The following TIAM2 variants were observed in gnomAD, a reference collection of about 807,000 sequenced individuals.
TIAM2 encodes the protein TIAM Rac1 associated GEF 2, also known as rho guanine nucleotide exchange factor TIAM2.
TIAM2 carries 80 observed loss-of-function variants against 152.9 expected under a neutral mutation model. The ratio of observed to expected loss-of-function variants is 0.52; its 90% CI spans 0.44 to 0.63. TIAM2 has a LOEUF of 0.63. Ranked by LOEUF, TIAM2 falls within the 30% of genes least tolerant of loss-of-function variation. The probability of loss-of-function intolerance (pLI) is 0.00; values close to 1 mark genes in which losing one functional copy is unlikely to be tolerated. For synonymous variants in TIAM2, 804 were observed against 838.0 expected (o/e 0.96, Z 0.70); for missense variants, 1,965 against 2,120.1 (o/e 0.93, Z 1.44).
chr6:155,126,579 A>C (rs1037319567), intron 2 of TIAM2, among the ~76,000 whole-genome samples: 2 of 152,074 alleles, frequency 1.3e-5, no homozygotes, highest in Admixed American at 6.6e-5. Flanking sequence ...TAAAAATACA[A>C]AATTAGCTGG....
At chr6:155,056,019 T>C (rs1161572803) in intron 1 of TIAM2, among the ~76,000 whole-genome samples, 5 of 152,078 alleles carry the variant, frequency 3.3e-5, no homozygotes, top group Non-Finnish European at 5.9e-5. Flanking sequence ...GAAAAATCTA[T>C]TCAGAATTAA....
intron 1 of TIAM2, among the ~76,000 whole-genome samples, chr6:155,017,345 G>A (rs146118072): frequency 0.011 from 1,734 of 152,188 alleles, 15 homozygotes; most frequent in Non-Finnish European, 0.019. Flanking sequence ...CATTGTCTCA[G>A]AAGGACCCCT....
At chr6:155,245,816 G>A (rs556729753) in intron 19 of TIAM2, 85 bp downstream of exon 19, 4 of 915,248 alleles carry the variant, frequency 4.4e-6, no homozygotes, top group Admixed American at 5.4e-5. Flanking sequence ...TTAACAAGTA[G>A]AGAGTAAGTA....
At chr6:155,010,998 C>T (rs1482211853) in intron 1 of TIAM2, among the ~76,000 whole-genome samples, 1 of 150,684 alleles carries the variant, frequency 6.6e-6, no homozygotes, top group Non-Finnish European at 1.5e-5. Flanking sequence ...GAGCTGAGAT[C>T]GAGCCATTGC....
At chr6:155,210,414 G>A (rs1562354995) in intron 14 of TIAM2, among the ~76,000 whole-genome samples, 1 of 151,764 alleles carries the variant, frequency 6.6e-6, no homozygotes, top group South Asian at 2.1e-4. Flanking sequence ...AAACTCCTGG[G>A]CTCAAGCCAT....
Position 155,254,001 on chromosome 6 carries a change from G to C in TIAM2, c.4254G>C (p.Leu1418=). The change falls in exon 25 of 27, where the codon CTG becomes CTC. Residue 1418 remains leucine (L), a synonymous_variant. Transcript: ENST00000682666. The part of the protein sequence containing the change: ...AGTENNSIWE[L]IHTKSEIEGR... ...CAGAAAATAATTCCATATGGGAACT[G>C]ATCCATACGAAGTCAGAAATAGAAG... The C allele has an allele frequency of 6.2e-7, 1 of 1,614,130 alleles. No homozygotes were observed. Among genetic ancestry groups the C allele is most frequent in the Non-Finnish European group, 8.5e-7 (1 of 1,179,986 alleles).
At chr6:155,236,272 C>A (rs940514384) in intron 15 of TIAM2, among the ~76,000 whole-genome samples, 1 of 151,822 alleles carries the variant, frequency 6.6e-6, no homozygotes, top group Non-Finnish European at 1.5e-5. Context: ...CAGCACCACT[C>A]CCAGAAATCC....
At chr6:155,113,097 A>C (rs183917059) in intron 2 of TIAM2, among the ~76,000 whole-genome samples, 1 of 152,246 alleles carries the variant, frequency 6.6e-6, no homozygotes, top group Admixed American at 6.5e-5. Flanking sequence ...GGTGAAAGCC[A>C]AAGTCCTTAA....
At chr6:155,164,706 A>G (rs1780373745) in intron 8 of TIAM2, 106 bp downstream of exon 8, 1 of 1,376,786 alleles carries the variant, frequency 7.3e-7, no homozygotes, top group East Asian at 2.3e-5. Flanking sequence ...TGACCCAACA[A>G]CTGACACCTA....
Position 155,254,519 on chromosome 6 carries a change from T to G in TIAM2, c.4414T>G (p.Cys1472Gly). 6.2e-7 allele frequency: 1 copy of G among 1,614,172 alleles called. No homozygotes were observed. The highest frequency in any genetic ancestry group is 8.5e-7 in the Non-Finnish European group (1 of 1,179,978). The change falls in exon 26 of 27, where the codon TGT (cysteine) becomes GGT (glycine). Residue 1472 changes from cysteine to glycine, a missense_variant. By Grantham distance (159) the Cys-to-Gly change is radical (BLOSUM62 -3). Around this residue, in one of 3 missense-constraint regions of TIAM2, gnomAD observed 935 missense variants for 980.0 expected, o/e 0.95. Transcript: ENST00000682666. ...GTGTGAATTACCACTGGAGAAAACG[T>G]GTAAGGATCGCCTGGTACCTCTTAA... is the stretch of plus-strand genomic sequence containing the variant. ...IKCELPLEKT[C>G]KDRLVPLKNR...
intron 1 of TIAM2, among the ~76,000 whole-genome samples, chr6:155,061,422 G>A (rs1777577547): frequency 6.7e-6 from 1 of 149,322 alleles, no homozygotes; most frequent in Admixed American, 6.6e-5. Flanking sequence ...ACTTACATCT[G>A]CAACTTGAAT....
At chr6:155,079,630 C>T (rs906603560) in intron 1 of TIAM2, among the ~76,000 whole-genome samples, 47 of 152,182 alleles carry the variant, frequency 3.1e-4, no homozygotes, top group African/African-American at 1.1e-3. Flanking sequence ...TTTATGGATC[C>T]TAGCATTTGC....
chr6:155,037,559 C>T (rs1403142385), intron 1 of TIAM2, among the ~76,000 whole-genome samples: 2 of 152,112 alleles, frequency 1.3e-5, no homozygotes, highest in East Asian at 1.9e-4. Flanking sequence ...GACAGAGCCT[C>T]ACTCTGTCAC....
Position 155,233,984 on chromosome 6 carries a change from T to C in TIAM2, c.3169-6546T>C, listed in dbSNP as rs142051534. Among the ~76,000 whole-genome samples, 164 of 128,612 alleles carry C rather than the reference T, an allele frequency of 1.3e-3. 1 individual carries two copies. In the East Asian group the frequency reaches 0.034, roughly 27 times the overall value. 84.4% of individuals were successfully genotyped at this position (128,612 alleles called of 152,430 possible). A position where few individuals can be genotyped will look rare whatever the true frequency, so the allele number is the denominator to read the frequency against. On this transcript the variant is annotated intron_variant, in intron 15 of 26. Coordinates refer to ENST00000682666, the MANE Select transcript of TIAM2 (RefSeq NM_012454.4). ...TCTCAAAAAAACAAAACAAAAACAA[T>C]TTGAGAGAAAATTTTTTTTGGGGGG...
intron 26 of TIAM2, chr6:155,255,371 T>G (rs777328600): frequency 6.6e-6 from 1 of 152,178 alleles, no homozygotes; most frequent in Non-Finnish European, 1.5e-5. Context: ...AAATTTCAGC[T>G]TAAGTTTTCA....
intron 7 of TIAM2, among the ~76,000 whole-genome samples, chr6:155,151,599 G>C (rs1354911142): frequency 6.6e-6 from 1 of 152,090 alleles, no homozygotes; most frequent in South Asian, 2.1e-4. Flanking sequence ...GCTTTCAGGT[G>C]GGGGGATACA....
At chr6:155,061,380 C>CTA (rs1398517797) in intron 1 of TIAM2, among the ~76,000 whole-genome samples, 3 of 147,948 alleles carry the variant, frequency 2.0e-5, no homozygotes, top group East Asian at 3.9e-4. Flanking sequence ...ATCCATTTAC[C>CTA]TATATATATA....
chr6:155,120,126 A>C (rs1307665107), intron 2 of TIAM2, among the ~76,000 whole-genome samples: 1 of 152,140 alleles, frequency 6.6e-6, no homozygotes, highest in East Asian at 1.9e-4. Context: ...ACTGGACAAA[A>C]AGCTGAGCTA....
intron 1 of TIAM2, among the ~76,000 whole-genome samples, chr6:155,033,490 A>G (rs960675588): frequency 6.6e-6 from 1 of 152,206 alleles, no homozygotes; most frequent in Non-Finnish European, 1.5e-5. Context: ...GTAGAAGCAC[A>G]GCAGGTTTCG....
Sources: gnomAD v4.1 joint callset for allele counts (sites outside exome capture counted in the v4.1 genomes callset) on GRCh38, gnomAD v4.1.1 for gene constraint, gnomAD v4.1.1 regional missense constraint, MANE v1.5 for transcripts, NCBI Gene and HGNC (gene_info 2026-07-23, HGNC 2026-07-21) for gene names.